HS3ST5: variants seen among roughly 807,000 people sequenced by gnomAD.
HS3ST5 encodes heparan sulfate-glucosamine 3-sulfotransferase 5.
A neutral mutation model predicts 25.4 loss-of-function variants in HS3ST5; 10 were observed. The ratio of observed to expected loss-of-function variants is 0.39; its 90% CI spans 0.24 to 0.67. The LOEUF is 0.67. Ranked by LOEUF, HS3ST5 falls within the 30% of genes least tolerant of loss-of-function variation. The probability of loss-of-function intolerance (pLI) is 0.44; values close to 1 mark genes in which losing one functional copy is unlikely to be tolerated. For missense variants in HS3ST5, 324 were observed against 420.7 expected, an observed-to-expected ratio of 0.77 and a Z score of 2.01; for synonymous variants, 170 against 162.4, an observed-to-expected ratio of 1.05 and a Z score of -0.36.
At chr6:114,122,018 C>T (rs745335691) in intron 3 of HS3ST5, among the ~76,000 whole-genome samples, 15 of 152,180 alleles carry the variant, frequency 9.9e-5, no homozygotes, top group Non-Finnish European at 1.9e-4. Context: ...GCCCTTGCTT[C>T]GCTCCTTGTC....
intron 3 of HS3ST5, among the ~76,000 whole-genome samples, chr6:114,157,085 C>A (rs910964714): frequency 1.3e-5 from 2 of 152,094 alleles, no homozygotes; most frequent in African/African-American, 4.8e-5. Flanking sequence ...TCTTCCACCC[C>A]TCACCTTCTC....
At chr6:114,241,874 T>A (rs1192551868) in intron 1 of HS3ST5, among the ~76,000 whole-genome samples, 1 of 152,198 alleles carries the variant, frequency 6.6e-6, no homozygotes, top group African/African-American at 2.4e-5. Flanking sequence ...AGATGTGAAC[T>A]TCTCAGAAAG....
chr6:114,226,056 G>A (rs904546325), intron 2 of HS3ST5, among the ~76,000 whole-genome samples: 10 of 152,020 alleles, frequency 6.6e-5, no homozygotes, highest in Middle Eastern at 3.4e-3. Flanking sequence ...TAGGCCAACC[G>A]CAGCTGGTTG....
At chr6:114,113,745 T>A (rs551789722) in intron 3 of HS3ST5, among the ~76,000 whole-genome samples, 1 of 152,170 alleles carries the variant, frequency 6.6e-6, no homozygotes, top group African/African-American at 2.4e-5. Context: ...ATAATTTTTT[T>A]AATGACTACT....
At chr6:114,281,143 A>G (rs1030072518) in intron 1 of HS3ST5, among the ~76,000 whole-genome samples, 7 of 152,034 alleles carry the variant, frequency 4.6e-5, no homozygotes, top group Admixed American at 2.6e-4. Flanking sequence ...ATAACGTACC[A>G]TATCTCCATC....
chr6:114,126,008 G>A (rs1462037763), intron 3 of HS3ST5, among the ~76,000 whole-genome samples: 1 of 152,116 alleles, frequency 6.6e-6, no homozygotes, highest in African/African-American at 2.4e-5. Flanking sequence ...AAGCTCTTGA[G>A]GTAAAATTCT....
At chr6:114,319,863 G>A (rs149202202) in intron 1 of HS3ST5, among the ~76,000 whole-genome samples, 2 of 151,700 alleles carry the variant, frequency 1.3e-5, no homozygotes, top group African/African-American at 4.8e-5. Context: ...CTATTTTTTT[G>A]TTGTTGTTGT....
At chr6:114,161,521 T>TATA (rs1778947740) in intron 3 of HS3ST5, among the ~76,000 whole-genome samples, 3 of 33,536 alleles carry the variant, frequency 8.9e-5, no homozygotes, top group African/African-American at 1.9e-4. Flanking sequence ...TCCTGAAGTT[T>TATA]TATATATATA....
At chr6:114,254,832 C>T (rs1306050786) in intron 1 of HS3ST5, among the ~76,000 whole-genome samples, 2 of 152,160 alleles carry the variant, frequency 1.3e-5, no homozygotes, top group African/African-American at 4.8e-5. Flanking sequence ...TCAATTATCT[C>T]CCACTGGATC....
intron 1 of HS3ST5, among the ~76,000 whole-genome samples, chr6:114,338,805 G>T (rs1046123000): frequency 6.6e-6 from 1 of 151,922 alleles, no homozygotes; most frequent in African/African-American, 2.4e-5. Context: ...ATATACAAAA[G>T]GTTACATTTT....
intron 1 of HS3ST5, among the ~76,000 whole-genome samples, chr6:114,306,232 AATATAC>A (rs1315530767): frequency 4.8e-5 from 5 of 104,990 alleles, no homozygotes; most frequent in Non-Finnish European, 1.0e-4. Flanking sequence ...CTGTAAATGA[AATATAC>A]ATATATATAT....
At chr6:114,277,856 C>T (rs1409557523) in intron 1 of HS3ST5, among the ~76,000 whole-genome samples, 1 of 151,846 alleles carries the variant, frequency 6.6e-6, no homozygotes, top group Non-Finnish European at 1.5e-5. Flanking sequence ...GTTGCCTTGT[C>T]GAGGTTATAG....
At chr6:114,242,109 G>A (rs940885504) in intron 1 of HS3ST5, among the ~76,000 whole-genome samples, 1 of 152,180 alleles carries the variant, frequency 6.6e-6, no homozygotes, top group African/African-American at 2.4e-5. Context: ...GTTACTAGCT[G>A]TTTTTGGTTC....
At chr6:114,170,005 A>G (rs1490441891) in intron 2 of HS3ST5, among the ~76,000 whole-genome samples, 5 of 152,174 alleles carry the variant, frequency 3.3e-5, no homozygotes, top group Non-Finnish European at 7.4e-5. Flanking sequence ...AAAAACACAC[A>G]ATCTTCAAAG....
intron 3 of HS3ST5, among the ~76,000 whole-genome samples, chr6:114,161,521 T>TCATATATATA (rs1778947740): frequency 1.2e-4 from 4 of 33,540 alleles, no homozygotes; most frequent in South Asian, 1.6e-3. Flanking sequence ...TCCTGAAGTT[T>TCATATATATA]TATATATATA....
intron 3 of HS3ST5, among the ~76,000 whole-genome samples, chr6:114,115,005 G>C (rs981708668): frequency 6.6e-6 from 1 of 152,084 alleles, no homozygotes; most frequent in African/African-American, 2.4e-5. Flanking sequence ...AGCGACCAGA[G>C]TCCTGGTCCC....
chr6:114,090,185 T>C (rs1206490675), intron 3 of HS3ST5, among the ~76,000 whole-genome samples: 2 of 152,234 alleles, frequency 1.3e-5, no homozygotes, highest in Non-Finnish European at 1.5e-5. Flanking sequence ...CATTAATCAA[T>C]AAGTCTTAGT....
chr6:114,233,995 T>A (rs1771734722), intron 1 of HS3ST5, among the ~76,000 whole-genome samples: 1 of 152,162 alleles, frequency 6.6e-6, no homozygotes, highest in South Asian at 2.1e-4. Flanking sequence ...TACCTGCTTC[T>A]CCAGGGCTTC....
At chr6:114,075,671 T>C (rs565515297) in intron 3 of HS3ST5, among the ~76,000 whole-genome samples, 41 of 152,324 alleles carry the variant, frequency 2.7e-4, no homozygotes, top group Admixed American at 2.2e-3. Flanking sequence ...TTTTGGTCTT[T>C]GAGGATAGAT....
Sources: allele counts gnomAD v4.1 joint callset (sites outside exome capture counted in the v4.1 genomes callset), GRCh38; gene constraint gnomAD v4.1.1; transcripts MANE v1.5; gene names NCBI Gene and HGNC (gene_info 2026-07-23, HGNC 2026-07-21).